PRKN: variants seen among roughly 807,000 people sequenced by gnomAD.
PRKN encodes the protein parkin RBR E3 ubiquitin protein ligase.
Under a neutral mutation model 59.5 loss-of-function variants are expected in PRKN, and 56 were observed. The ratio of observed to expected loss-of-function variants is 0.94; its 90% CI spans 0.76 to 1.18. PRKN has a LOEUF of 1.18. PRKN is among the 50% of genes most tolerant of loss of function. PRKN has a pLI of 0.00. For synonymous variants in PRKN, 250 were observed against 222.1 expected (o/e 1.13, Z -1.12); for missense variants, 657 against 596.4 (o/e 1.10, Z -1.06).
chr6:162,107,054 T>C (rs1020572833), intron 4 of PRKN, among the ~76,000 whole-genome samples: 19 of 152,296 alleles, frequency 1.2e-4, no homozygotes, highest in African/African-American at 4.3e-4. Context: ...AGAGTCTCAC[T>C]CAGAGGTGAG....
chr6:162,386,186 T>C (rs1164293428), intron 2 of PRKN, among the ~76,000 whole-genome samples: 1 of 152,186 alleles, frequency 6.6e-6, no homozygotes, highest in Non-Finnish European at 1.5e-5. Flanking sequence ...TTGTGGAAAA[T>C]GCTGAGAGAC....
intron 5 of PRKN, among the ~76,000 whole-genome samples, chr6:162,007,664 A>G (rs1014076965): frequency 2.6e-4 from 40 of 152,110 alleles, no homozygotes; most frequent in African/African-American, 9.4e-4. Flanking sequence ...ATCACAACAA[A>G]TTCTGGCAGA....
chr6:161,759,186 AC>A (rs1240943851), intron 7 of PRKN, among the ~76,000 whole-genome samples: 4 of 148,086 alleles, frequency 2.7e-5, no homozygotes, highest in African/African-American at 7.4e-5. Context: ...AAAAAAAAAA[AC>A]AAAATTAAAA....
chr6:162,109,201 G>C (rs537361752), intron 4 of PRKN, among the ~76,000 whole-genome samples: 60 of 152,312 alleles, frequency 3.9e-4, no homozygotes, highest in African/African-American at 1.3e-3. Flanking sequence ...TTCCAGCCCA[G>C]CCCTATTTTA....
intron 4 of PRKN, among the ~76,000 whole-genome samples, chr6:162,195,679 A>G (rs1784462202): frequency 6.6e-6 from 1 of 152,016 alleles, no homozygotes; most frequent in Admixed American, 6.5e-5. Context: ...GAGATAAAGT[A>G]ATTACGGTGA....
rs2115389434 is a variant in PRKN, at chr6:161,533,094, A to G, written c.1083+15760T>C. Reference sequence around the variant, plus strand: ...TATTCTATAGTGTACCATATTAGCTATTAAACATTATACAGAGAGTGGTTA... The same window carrying G: ...TATTCTATAGTGTACCATATTAGCTGTTAAACATTATACAGAGAGTGGTTA... On this transcript the variant is annotated intron_variant, in intron 9 of 11. Transcript: ENST00000366898. This position sits in a 1 kb window ranked among gnomAD's most constrained non-coding sequence, Gnocchi z 4.1. 6.6e-6 allele frequency among the ~76,000 whole-genome samples: 1 copy of G among 152,354 alleles called. No individual in the cohort carries two copies. The highest frequency in any genetic ancestry group is 2.1e-4 in the South Asian group (1 of 4,832).
chr6:161,657,612 A>G (rs957362646), intron 7 of PRKN, among the ~76,000 whole-genome samples: 1 of 152,198 alleles, frequency 6.6e-6, no homozygotes, highest in African/African-American at 2.4e-5. Context: ...CAAATTGCTA[A>G]CAGTCCACCA....
chr6:161,658,645 C>T (rs1230769741), intron 7 of PRKN, among the ~76,000 whole-genome samples: 5 of 152,014 alleles, frequency 3.3e-5, no homozygotes, highest in Non-Finnish European at 7.4e-5. Context: ...TGGGGACATG[C>T]GAAATAATAG....
At chr6:161,838,547 A>G (rs1792854298) in intron 6 of PRKN, among the ~76,000 whole-genome samples, 1 of 152,228 alleles carries the variant, frequency 6.6e-6, no homozygotes, top group Non-Finnish European at 1.5e-5. Context: ...ATAACACATT[A>G]AAAGTGTTCA....
chr6:162,272,417 T>C (rs1210321956), intron 2 of PRKN, among the ~76,000 whole-genome samples: 2 of 152,150 alleles, frequency 1.3e-5, no homozygotes, highest in East Asian at 3.8e-4. Flanking sequence ...CACTTTAAAA[T>C]ATATATATTT....
At chr6:162,517,425 T>TG (rs1777911467) in intron 1 of PRKN, among the ~76,000 whole-genome samples, 1 of 151,676 alleles carries the variant, frequency 6.6e-6, no homozygotes, top group African/African-American at 2.4e-5. Flanking sequence ...TTTGTTTTTT[T>TG]TTTTGTATTT....
chr6:162,203,814 G>A (rs562947041), intron 3 of PRKN, among the ~76,000 whole-genome samples: 305 of 152,204 alleles, frequency 2.0e-3, no homozygotes, highest in African/African-American at 6.8e-3. Context: ...TCTTCTGTAT[G>A]GCAGCTTCTT....
At position 161,943,423 on chromosome 6, in the gene PRKN, GAGTA is replaced by G. The variant is rs1319779297; in HGVS notation, c.734+29875_734+29878del. ...TCTAATTCATTTTTTATAAATGCAC[GAGTA>G]AGTATCTTTTAGACATGAAATGTAA... On this transcript the variant is annotated intron_variant, in intron 6 of 11. Transcript: ENST00000366898. 7.2e-5 allele frequency among the ~76,000 whole-genome samples: 11 copies of G among 152,274 alleles called. No individual in the cohort carries two copies. The South Asian group carries it at 1.0e-3, about 14-fold the overall frequency.
intron 6 of PRKN, among the ~76,000 whole-genome samples, chr6:161,804,136 G>A (rs1047081433): frequency 2.0e-5 from 3 of 152,206 alleles, no homozygotes; most frequent in Middle Eastern, 3.2e-3. Context: ...TGGCTGAGCA[G>A]CACAAGGGTT....
rs188732272 is a variant in PRKN at position 162,024,063 on chromosome 6, G to A, written c.618+30028C>T. On this transcript the variant is annotated intron_variant, in intron 5 of 11. Coordinates refer to ENST00000366898, the MANE Select transcript of PRKN (RefSeq NM_004562.3). ...TTGGTATATTGATAGGAATGACATT[G>A]AATCTGTAGATTGTTTTGGGCAGTA... is the stretch of plus-strand genomic sequence containing the variant. 2.3e-3 allele frequency among the ~76,000 whole-genome samples: 352 copies of A among 152,038 alleles called. 1 individual carries two copies. The highest frequency in any genetic ancestry group is 8.0e-3 in the African/African-American group (333 of 41,438).
intron 5 of PRKN, among the ~76,000 whole-genome samples, chr6:162,035,313 C>T (rs1489537635): frequency 6.6e-6 from 1 of 152,156 alleles, no homozygotes; most frequent in Admixed American, 6.5e-5. Context: ...TCCCACCAGG[C>T]CCCACCTCCA....
At chr6:162,094,691 T>C (rs570368182) in intron 4 of PRKN, among the ~76,000 whole-genome samples, 17 of 152,250 alleles carry the variant, frequency 1.1e-4, no homozygotes, top group African/African-American at 4.1e-4. Flanking sequence ...CTCGGTAACA[T>C]TGTTTCATTT....
intron 1 of PRKN, among the ~76,000 whole-genome samples, chr6:162,596,640 T>C (rs1456387624): frequency 3.9e-5 from 6 of 152,150 alleles, no homozygotes; most frequent in East Asian, 1.9e-4. Flanking sequence ...TAAAAGAAAA[T>C]GCACACATTT....
chr6:161,470,815 G>A lies in PRKN; in HGVS notation c.1083+78039C>T, dbSNP rs1790756782. On this transcript the variant is annotated intron_variant, in intron 9 of 11. Transcript: ENST00000366898. This position sits in a 1 kb window ranked among gnomAD's most constrained non-coding sequence, Gnocchi z 5.1. ...GCCTGAAGGGCTGCCACATGTAGGG[G>A]ATGTGGATGAATCTGAGATTTGTGG... 1.3e-5 allele frequency among the ~76,000 whole-genome samples: 2 copies of A among 152,198 alleles called. No homozygotes were observed. The highest frequency in any genetic ancestry group is 4.1e-4 in the South Asian group (2 of 4,836).
Sources: gnomAD v4.1 joint callset for allele counts (sites outside exome capture counted in the v4.1 genomes callset) on GRCh38, gnomAD v4.1.1 for gene constraint, Gnocchi (gnomAD v3.1) non-coding constraint, MANE v1.5 for transcripts, NCBI Gene and HGNC (gene_info 2026-07-23, HGNC 2026-07-21) for gene names.